Variants in GRB14 observed in about 807,000 individuals in gnomAD.
GRB14 encodes the protein growth factor receptor bound protein 14.
Under a neutral mutation model 69.1 loss-of-function variants are expected in GRB14, and 38 were observed. That is an observed-to-expected ratio of 0.55 (90% confidence interval 0.42 to 0.72). The LOEUF is 0.72. Ranked by LOEUF, GRB14 falls within the 30% of genes least tolerant of loss-of-function variation. The pLI is 0.00. For synonymous variants in GRB14, 247 were observed against 241.3 expected (o/e 1.02, Z -0.22); for missense variants, 666 against 666.1 (o/e 1.00, Z 0.00).
chr2:164,618,201 G>C (rs1053953431), intron 2 of GRB14, among the ~76,000 whole-genome samples: 1 of 151,766 alleles, frequency 6.6e-6, no homozygotes, highest in Non-Finnish European at 1.5e-5. Context: ...TTCAGACTTC[G>C]TGATCTGCCC....
At chr2:164,534,077 T>G (rs1035343296) in intron 3 of GRB14, among the ~76,000 whole-genome samples, 8 of 152,152 alleles carry the variant, frequency 5.3e-5, no homozygotes, top group East Asian at 1.9e-4. Flanking sequence ...AGACATACAT[T>G]CCATTCCTTC....
intron 2 of GRB14, among the ~76,000 whole-genome samples, chr2:164,597,811 A>T (rs902366234): frequency 1.3e-5 from 2 of 152,112 alleles, no homozygotes; most frequent in African/African-American, 4.8e-5. Flanking sequence ...AAACAGGAAC[A>T]TAGGGAAAAA....
rs1686789970 is a variant in GRB14, at chr2:164,492,773, A to C, written c.*263T>G. ...TTTTAAATATGCATATTTGAAGAAA[A>C]TATTATAGCAATGTAAAAATCACAC... On this transcript the variant is annotated 3_prime_UTR_variant, in exon 14 of 14. Coordinates refer to ENST00000263915, the MANE Select transcript of GRB14 (RefSeq NM_004490.3). 2 of 293,772 alleles carry C rather than the reference A, an allele frequency of 6.8e-6. No individual in the cohort carries two copies. The highest frequency in any genetic ancestry group is 1.2e-5 in the Non-Finnish European group (2 of 160,766). The allele number at this position is 293,772 out of a possible 1,614,324, so 18.2% of individuals were successfully genotyped here.
chr2:164,537,698 A>C (rs1688114284), intron 3 of GRB14, among the ~76,000 whole-genome samples: 1 of 152,202 alleles, frequency 6.6e-6, no homozygotes, highest in Admixed American at 6.5e-5. Flanking sequence ...ATGTAGAAGA[A>C]AAAATCAGCT....
intron 2 of GRB14, among the ~76,000 whole-genome samples, chr2:164,592,635 C>A (rs894873644): frequency 2.6e-5 from 4 of 152,266 alleles, no homozygotes; most frequent in Admixed American, 2.6e-4. Flanking sequence ...GTCTGACATT[C>A]ATGTGCATGG....
At chr2:164,558,152 C>T (rs951818151) in intron 2 of GRB14, among the ~76,000 whole-genome samples, 1 of 152,116 alleles carries the variant, frequency 6.6e-6, no homozygotes, top group Non-Finnish European at 1.5e-5. Context: ...CACCTTTATC[C>T]TCCTACTCTA....
At position 164,579,501 on chromosome 2, in the gene GRB14, G is replaced by GCACACACACA. The variant is rs61305070; in HGVS notation, c.325-31695_325-31686dup. ...CCTCATTTTATTACAGGGCACACTTGCACACACACACACACACACACACAC... is the reference window on the plus strand; with the variant it reads ...CCTCATTTTATTACAGGGCACACTTGCACACACACACACACACACACACACACACACACAC... On this transcript the variant is annotated intron_variant, in intron 2 of 13. Coordinates refer to ENST00000263915, the MANE Select transcript of GRB14 (RefSeq NM_004490.3). Among the ~76,000 whole-genome samples the GCACACACACA allele has an allele frequency of 1.3e-4, 19 of 145,104 alleles. No individual in the cohort carries two copies. In the East Asian group the frequency reaches 1.9e-3, roughly 15 times the overall value.
intron 2 of GRB14, among the ~76,000 whole-genome samples, chr2:164,612,597 A>AT (rs1456455916): frequency 6.6e-6 from 1 of 152,252 alleles, no homozygotes; most frequent in Non-Finnish European, 1.5e-5. Flanking sequence ...TGAAATACAC[A>AT]TAAGCATATA....
At chr2:164,600,091 G>A (rs1305269635) in intron 2 of GRB14, among the ~76,000 whole-genome samples, 1 of 152,020 alleles carries the variant, frequency 6.6e-6, no homozygotes, top group Non-Finnish European at 1.5e-5. Flanking sequence ...AAAACAATCA[G>A]GTCACAGGTT....
chr2:164,496,288 TCATTTGTACTG>T (rs926906022), intron 12 of GRB14, among the ~76,000 whole-genome samples: 1 of 152,158 alleles, frequency 6.6e-6, no homozygotes, highest in Non-Finnish European at 1.5e-5. Flanking sequence ...ACAACCTCCC[TCATTTGTACTG>T]CATTTGGAAA....
chr2:164,620,852 G>T (rs1690440673), intron 1 of GRB14, among the ~76,000 whole-genome samples: 1 of 152,192 alleles, frequency 6.6e-6, no homozygotes, highest in Admixed American at 6.5e-5. Flanking sequence ...TGATCAGCCT[G>T]CAGCCTGAGC....
intron 9 of GRB14, 118 bp from the exon 10 acceptor site, chr2:164,497,608 T>G (rs116524515): frequency 0.023 from 16,113 of 690,492 alleles, 227 homozygotes; most frequent in Non-Finnish European, 0.029. Context: ...GGCAGTACAT[T>G]TCCATTCTAG....
chr2:164,578,840 T>C (rs547433163), intron 2 of GRB14, among the ~76,000 whole-genome samples: 1 of 152,166 alleles, frequency 6.6e-6, no homozygotes, highest in African/African-American at 2.4e-5. Flanking sequence ...CTAAGGAGCA[T>C]AAATGATTAG....
At chr2:164,593,614 T>C (rs73028093) in intron 2 of GRB14, among the ~76,000 whole-genome samples, 2,079 of 152,182 alleles carry the variant, frequency 0.014, 47 homozygotes, top group African/African-American at 0.048. Flanking sequence ...CATGAGACCC[T>C]GGAAACAGGG....
chr2:164,579,966 T>G (rs1689354834), intron 2 of GRB14, among the ~76,000 whole-genome samples: 1 of 152,210 alleles, frequency 6.6e-6, no homozygotes, highest in South Asian at 2.1e-4. Flanking sequence ...ATCAGATTAC[T>G]CAAGTTAAAG....
chr2:164,510,964 A>G (rs1687324367), intron 6 of GRB14, among the ~76,000 whole-genome samples: 1 of 152,200 alleles, frequency 6.6e-6, no homozygotes, highest in South Asian at 2.1e-4. Context: ...GAGCACAGTA[A>G]CTATGAGACT....
At chr2:164,525,645 G>T (rs1687751143) in intron 4 of GRB14, among the ~76,000 whole-genome samples, 1 of 152,046 alleles carries the variant, frequency 6.6e-6, no homozygotes, top group Admixed American at 6.6e-5. Context: ...TGATTCAGTA[G>T]ATCCGGGCAA....
At chr2:164,541,587 C>G (rs1245909134) in intron 3 of GRB14, among the ~76,000 whole-genome samples, 1 of 151,658 alleles carries the variant, frequency 6.6e-6, no homozygotes, top group Admixed American at 6.6e-5. Context: ...TGCACTCCAC[C>G]TCAGGCAAAA....
At chr2:164,581,714 G>C (rs796347873) in intron 2 of GRB14, among the ~76,000 whole-genome samples, 57 of 152,280 alleles carry the variant, frequency 3.7e-4, no homozygotes, top group African/African-American at 1.2e-3. Flanking sequence ...TGTTACAGCA[G>C]CAAGGGGAAA....
Sources: allele counts gnomAD v4.1 joint callset (sites outside exome capture counted in the v4.1 genomes callset), GRCh38; gene constraint gnomAD v4.1.1; transcripts MANE v1.5; gene names NCBI Gene and HGNC (gene_info 2026-07-23, HGNC 2026-07-21).